ASPRV1: variants seen among roughly 807,000 people sequenced by gnomAD.
ASPRV1 encodes retroviral-like aspartic protease 1.
Under a neutral mutation model 11.0 loss-of-function variants are expected in ASPRV1, and 7 were observed. The observed-to-expected ratio is 0.64, with a 90% CI of 0.36 to 1.20. The LOEUF (loss-of-function observed/expected upper bound fraction) is 1.20. Ranked by LOEUF, ASPRV1 falls within the 50% of genes most tolerant of loss-of-function variation. The pLI, the probability that ASPRV1 is intolerant of heterozygous loss-of-function variation, is 0.02. For missense variants in ASPRV1, 299 were observed against 320.0 expected (o/e 0.93, Z 0.50); for synonymous variants, 136 against 138.4 (o/e 0.98, Z 0.12).
the ASPRV1 span, among the ~76,000 whole-genome samples, chr2:69,980,079 C>T: frequency 1.3e-4 from 20 of 152,306 alleles, no homozygotes; most frequent in African/African-American, 4.6e-4. Flanking sequence ...GGCAGGCCTC[C>T]GAGGGAGAAA....
downstream of ASPRV1, among the ~76,000 whole-genome samples, chr2:69,956,553 AAGG>A (rs1408288216): frequency 1.3e-5 from 2 of 151,992 alleles, no homozygotes; most frequent in African/African-American, 4.8e-5. Flanking sequence ...GAAGAAGAAG[AAGG>A]AGATTAGAAA....
At chr2:70,086,162 T>A in the ASPRV1 span, 1 of 152,046 alleles carries the variant, frequency 6.6e-6, no homozygotes, top group Non-Finnish European at 1.5e-5. Context: ...GTCATAAAAC[T>A]CGCGGAGGTG....
the ASPRV1 span, chr2:70,049,693 G>A: frequency 6.6e-6 from 1 of 152,180 alleles, no homozygotes; most frequent in Non-Finnish European, 1.5e-5. Context: ...AGAGCCTTCA[G>A]AGCCAGCCAA....
At chr2:70,077,798 T>C in the ASPRV1 span, among the ~76,000 whole-genome samples, 13 of 151,876 alleles carry the variant, frequency 8.6e-5, no homozygotes, top group Non-Finnish European at 1.9e-4. Context: ...GAGGTTGCAA[T>C]GAGCTGAGAC....
At chr2:70,026,899 C>A in the ASPRV1 span, among the ~76,000 whole-genome samples, 1 of 152,084 alleles carries the variant, frequency 6.6e-6, no homozygotes, top group Non-Finnish European at 1.5e-5. Context: ...CCAAAGCAAT[C>A]CTGAGCAGAA....
the ASPRV1 span, chr2:70,053,745 G>A: frequency 7.3e-6 from 1 of 137,268 alleles, no homozygotes; most frequent in Non-Finnish European, 1.5e-5. Flanking sequence ...GCTTTCAGCA[G>A]GAAACATCAC....
chr2:69,933,210 AAAAAAAAAAAAAAAC>A, the ASPRV1 span, among the ~76,000 whole-genome samples: 4 of 151,038 alleles, frequency 2.6e-5, no homozygotes, highest in African/African-American at 9.7e-5. Flanking sequence ...CAAAAAAAAA[AAAAAAAAAAAAAAAC>A]AAAAAAAGAA....
At chr2:69,993,991 C>T in the ASPRV1 span, 1 of 152,362 alleles carries the variant, frequency 6.6e-6, no homozygotes, top group East Asian at 1.9e-4. Flanking sequence ...GCACTTGGTT[C>T]AGACGCAGGG....
the ASPRV1 span, chr2:70,034,983 A>G: frequency 2.0e-5 from 3 of 152,398 alleles, no homozygotes; most frequent in African/African-American, 7.2e-5. Flanking sequence ...TTACCCTTGT[A>G]GAGAGTGTAA....
At chr2:69,950,014 C>T in the ASPRV1 span, among the ~76,000 whole-genome samples, 1 of 152,138 alleles carries the variant, frequency 6.6e-6, no homozygotes, top group Non-Finnish European at 1.5e-5. Flanking sequence ...TGGGGTTTCA[C>T]TATATTGGCC....
At chr2:69,989,929 A>T in the ASPRV1 span, among the ~76,000 whole-genome samples, 1 of 152,248 alleles carries the variant, frequency 6.6e-6, no homozygotes, top group Non-Finnish European at 1.5e-5. Context: ...TGACAATGAC[A>T]GTTGCAGCAG....
the ASPRV1 span, among the ~76,000 whole-genome samples, chr2:69,935,039 C>T: frequency 6.6e-6 from 1 of 152,144 alleles, no homozygotes; most frequent in African/African-American, 2.4e-5. Context: ...GTAAGTTGAA[C>T]CATCATGAGT....
chr2:69,989,624 CA>C, the ASPRV1 span, among the ~76,000 whole-genome samples: 1 of 152,238 alleles, frequency 6.6e-6, no homozygotes, highest in African/African-American at 2.4e-5. Flanking sequence ...CAGCCGCCCC[CA>C]GAGTAAACAG....
At chr2:70,032,203 C>G in the ASPRV1 span, 1 of 152,214 alleles carries the variant, frequency 6.6e-6, no homozygotes, top group African/African-American at 2.4e-5. Context: ...TTTGGAATTA[C>G]AGTGGATGTT....
chr2:70,034,904 G>A, the ASPRV1 span: 5 of 153,004 alleles, frequency 3.3e-5, no homozygotes, highest in African/African-American at 9.6e-5. Context: ...AGGAAACACA[G>A]GCAGGACCAG....
the ASPRV1 span, among the ~76,000 whole-genome samples, chr2:70,005,072 ATTATT>A: frequency 2.0e-5 from 3 of 151,904 alleles, no homozygotes; most frequent in Non-Finnish European, 4.4e-5. Context: ...TATTATTATT[ATTATT>A]TTGAGTCAGG....
chr2:70,024,787 C>A, the ASPRV1 span, among the ~76,000 whole-genome samples: 1 of 152,150 alleles, frequency 6.6e-6, no homozygotes, highest in African/African-American at 2.4e-5. Context: ...AACTTCCAGA[C>A]AGAGGAGTTG....
chr2:70,077,856 A>G, the ASPRV1 span, among the ~76,000 whole-genome samples: 1 of 151,694 alleles, frequency 6.6e-6, no homozygotes, highest in East Asian at 1.9e-4. Context: ...ACTCTGTCTC[A>G]AAAAAAATAA....
chr2:70,041,215 G>A, the ASPRV1 span, among the ~76,000 whole-genome samples: 1 of 152,162 alleles, frequency 6.6e-6, no homozygotes, highest in Non-Finnish European at 1.5e-5. Flanking sequence ...CGACAATAAA[G>A]ACACATACAT....
Sources: allele counts gnomAD v4.1 joint callset (sites outside exome capture counted in the v4.1 genomes callset), GRCh38; gene constraint gnomAD v4.1.1; transcripts MANE v1.5; gene names NCBI Gene and HGNC (gene_info 2026-07-23, HGNC 2026-07-21).